The following EPB41L3 variants were observed in gnomAD, a reference collection of about 807,000 sequenced individuals.
The protein encoded by EPB41L3 is erythrocyte membrane protein band 4.1 like 3.
In EPB41L3, 57 loss-of-function variants were observed where a neutral mutation model predicts 127.1. The ratio of observed to expected loss-of-function variants is 0.45; its 90% CI spans 0.36 to 0.56. The LOEUF (loss-of-function observed/expected upper bound fraction) is 0.56, where lower values mean the gene tolerates loss of function less well. Among genes scored for constraint, EPB41L3 ranks in the 20% least tolerant of loss-of-function variants. The pLI is 0.00. For synonymous variants in EPB41L3, 572 were observed against 549.5 expected (o/e 1.04, Z -0.57); for missense variants, 1,273 against 1,372.2 (o/e 0.93, Z 1.14).
chr18:5,555,644 A>G (rs2094023394), intron 3 of EPB41L3, among the ~76,000 whole-genome samples: 1 of 152,120 alleles, frequency 6.6e-6, no homozygotes, highest in Non-Finnish European at 1.5e-5. Context: ...CACCTTAAAT[A>G]ATCTCTGGGC....
intron 11 of EPB41L3, 121 bp from the exon 12 acceptor site, chr18:5,419,998 C>G: frequency 5.2e-6 from 8 of 1,535,384 alleles, no homozygotes; most frequent in Middle Eastern, 1.8e-4. Flanking sequence ...ATGAACAATA[C>G]CAACTATATC....
At chr18:5,405,481 G>A (rs1255398669) in intron 16 of EPB41L3, among the ~76,000 whole-genome samples, 2 of 152,158 alleles carry the variant, frequency 1.3e-5, no homozygotes, top group African/African-American at 2.4e-5. Flanking sequence ...CCCACACAAT[G>A]GGAGCCCTGA....
intron 2 of EPB41L3, chr18:5,488,703 A>G (rs80070870): frequency 3.0e-6 from 1 of 327,932 alleles, no homozygotes; most frequent in Non-Finnish European, 5.4e-6. Flanking sequence ...CACAAGCATA[A>G]TTAAAGCTCT....
chr18:5,484,121 A>AAAAC (rs2089250841), intron 2 of EPB41L3, among the ~76,000 whole-genome samples: 1 of 110,502 alleles, frequency 9.0e-6, no homozygotes. Flanking sequence ...AAAAAAAAAA[A>AAAAC]CAGAAAAAAA....
chr18:5,467,546 A>C (rs2085219425), intron 3 of EPB41L3: 1 of 152,232 alleles, frequency 6.6e-6, no homozygotes, highest in South Asian at 2.1e-4. Flanking sequence ...AGCCACAAGA[A>C]GACGGCAAGT....
chr18:5,520,699 G>C (rs570937011), intron 1 of EPB41L3, among the ~76,000 whole-genome samples: 1 of 152,144 alleles, frequency 6.6e-6, no homozygotes, highest in Non-Finnish European at 1.5e-5. Flanking sequence ...ATCATGAGGG[G>C]ATCATTAAAT....
At chr18:5,593,830 G>A (rs1052698728) in intron 3 of EPB41L3, among the ~76,000 whole-genome samples, 1 of 152,122 alleles carries the variant, frequency 6.6e-6, no homozygotes, top group African/African-American at 2.4e-5. Context: ...ACAATTCAGC[G>A]ATATTTCTCC....
At chr18:5,592,473 A>C (rs2094495093) in intron 3 of EPB41L3, among the ~76,000 whole-genome samples, 1 of 152,216 alleles carries the variant, frequency 6.6e-6, no homozygotes, top group African/African-American at 2.4e-5. Context: ...AAAGTCAGAT[A>C]AACTGCTAAC....
chr18:5,499,573 C>G (rs978457657), intron 1 of EPB41L3, among the ~76,000 whole-genome samples: 1 of 151,824 alleles, frequency 6.6e-6, no homozygotes, highest in South Asian at 2.1e-4. Context: ...ACCATCCTGG[C>G]TAACACAGTG....
intron 3 of EPB41L3, among the ~76,000 whole-genome samples, chr18:5,587,850 G>A (rs1418632068): frequency 6.6e-6 from 1 of 152,162 alleles, no homozygotes; most frequent in Non-Finnish European, 1.5e-5. Context: ...GGACTAAGAT[G>A]ATGATAAAAA....
At chr18:5,518,756 T>C (rs1367825074) in intron 1 of EPB41L3, 1 of 152,170 alleles carries the variant, frequency 6.6e-6, no homozygotes, top group Non-Finnish European at 1.5e-5. Flanking sequence ...GATGTAGAGA[T>C]TGGTGAGGTC....
intron 1 of EPB41L3, among the ~76,000 whole-genome samples, chr18:5,510,541 G>C (rs2092458956): frequency 6.6e-6 from 1 of 152,202 alleles, no homozygotes; most frequent in African/African-American, 2.4e-5. Context: ...CAAACCAGTA[G>C]TTCAGCAGTG....
At chr18:5,394,107 C>T (rs79669098) in intron 22 of EPB41L3, 2,266 of 152,834 alleles carry the variant, frequency 0.015, 20 homozygotes, top group South Asian at 0.041. Context: ...CCAAAGAATA[C>T]AGGAAATATA....
intron 3 of EPB41L3, among the ~76,000 whole-genome samples, chr18:5,554,789 T>C (rs2094010999): frequency 2.0e-5 from 2 of 102,288 alleles, no homozygotes; most frequent in South Asian, 5.8e-4. Context: ...AGCAGGGCCC[T>C]CTTTGCTCAT....
At chr18:5,437,897 G>A (rs768771435) in intron 6 of EPB41L3, 138 bp downstream of exon 6, 8 of 651,080 alleles carry the variant, frequency 1.2e-5, no homozygotes, top group East Asian at 3.0e-5. Context: ...GTTTGCTCTC[G>A]TTCATTTGCC....
At chr18:5,594,351 A>C (rs1785407) in intron 3 of EPB41L3, among the ~76,000 whole-genome samples, 1 of 151,994 alleles carries the variant, frequency 6.6e-6, no homozygotes, top group Non-Finnish European at 1.5e-5. Context: ...GTACATTACC[A>C]ATCTGGTAAA....
intron 1 of EPB41L3, among the ~76,000 whole-genome samples, chr18:5,531,618 G>T (rs947612851): frequency 4.6e-5 from 7 of 151,398 alleles, no homozygotes; most frequent in African/African-American, 1.7e-4. Flanking sequence ...AGCTACTCAG[G>T]AGGCTGAGGC....
intron 3 of EPB41L3, among the ~76,000 whole-genome samples, chr18:5,447,916 T>C: frequency 6.6e-6 from 1 of 152,158 alleles, no homozygotes; most frequent in Non-Finnish European, 1.5e-5. Context: ...AACATACTAG[T>C]CCACACTGAA....
chr18:5,628,068 T>C (rs2094942189), intron 1 of EPB41L3, among the ~76,000 whole-genome samples: 1 of 152,176 alleles, frequency 6.6e-6, no homozygotes, highest in Non-Finnish European at 1.5e-5. Context: ...CTAGATTATG[T>C]GTAACGATAT....
Sources: gnomAD v4.1 joint callset for allele counts (sites outside exome capture counted in the v4.1 genomes callset) on GRCh38, gnomAD v4.1.1 for gene constraint, MANE v1.5 for transcripts, NCBI Gene and HGNC (gene_info 2026-07-23, HGNC 2026-07-21) for gene names.